REDIC1: variants seen among roughly 807,000 people sequenced by gnomAD.
The protein encoded by REDIC1 is regulator of DNA class I crossover intermediates 1, also known as HEI10 Interacting Protein 1.
the REDIC1 span, among the ~76,000 whole-genome samples, chr12:39,671,555 G>T: frequency 6.6e-6 from 1 of 152,168 alleles, no homozygotes; most frequent in Non-Finnish European, 1.5e-5. Context: ...AGACCAGGTG[G>T]GTGGGTAAGT....
the REDIC1 span, chr12:39,754,316 A>T: frequency 2.0e-5 from 3 of 152,092 alleles, no homozygotes; most frequent in African/African-American, 7.2e-5. Flanking sequence ...TGCACTATTC[A>T]GGTGTCCGTT....
At chr12:39,761,606 C>T in the REDIC1 span, among the ~76,000 whole-genome samples, 3 of 126,222 alleles carry the variant, frequency 2.4e-5, no homozygotes, top group Non-Finnish European at 4.9e-5. Context: ...GATAAGCTAG[C>T]TCTTGGAGAA....
chr12:39,754,236 T>C, the REDIC1 span: 1 of 152,130 alleles, frequency 6.6e-6, no homozygotes, highest in South Asian at 2.1e-4. Context: ...TGGAAAAGGA[T>C]GACAATGTTT....
chr12:39,718,105 A>T, the REDIC1 span, among the ~76,000 whole-genome samples: 1 of 152,038 alleles, frequency 6.6e-6, no homozygotes, highest in Admixed American at 6.6e-5. Flanking sequence ...GATGATGTTC[A>T]TGGCTTTTTC....
chr12:39,781,848 A>G, the REDIC1 span, among the ~76,000 whole-genome samples: 2 of 152,182 alleles, frequency 1.3e-5, no homozygotes, highest in Non-Finnish European at 2.9e-5. Flanking sequence ...GCCCTCACAT[A>G]CCCTGGAGGA....
chr12:39,768,737 C>T, the REDIC1 span, among the ~76,000 whole-genome samples: 9 of 152,104 alleles, frequency 5.9e-5, no homozygotes, highest in Admixed American at 1.3e-4. Flanking sequence ...GATCACTGAT[C>T]ATCATAGCAG....
the REDIC1 span, among the ~76,000 whole-genome samples, chr12:39,713,474 G>GTA: frequency 6.7e-6 from 1 of 149,286 alleles, no homozygotes; most frequent in African/African-American, 2.5e-5. Flanking sequence ...ATATATACAT[G>GTA]TATACATTTA....
the REDIC1 span, among the ~76,000 whole-genome samples, chr12:39,718,314 C>T: frequency 6.6e-6 from 1 of 151,976 alleles, no homozygotes. Flanking sequence ...TATTTTGATG[C>T]CTTCGGTGTT....
At chr12:39,626,457 C>G in the REDIC1 span, 1 of 1,494,598 alleles carries the variant, frequency 6.7e-7, no homozygotes, top group African/African-American at 1.4e-5. Flanking sequence ...CTGGAAAGAA[C>G]TTGGTAGGAA....
chr12:39,896,488 A>C, the REDIC1 span, among the ~76,000 whole-genome samples: 1 of 147,776 alleles, frequency 6.8e-6, no homozygotes, highest in East Asian at 2.0e-4. Flanking sequence ...ATGTGTATAT[A>C]TGTACACATA....
the REDIC1 span, among the ~76,000 whole-genome samples, chr12:39,656,606 C>T: frequency 6.6e-6 from 1 of 152,128 alleles, no homozygotes; most frequent in Admixed American, 6.6e-5. Context: ...AAAACAGGCT[C>T]AGGCAGGGCC....
chr12:39,682,814 A>T, the REDIC1 span: 1 of 1,612,438 alleles, frequency 6.2e-7, no homozygotes, highest in Non-Finnish European at 8.5e-7. Context: ...GAGAATTGTG[A>T]CTCTTTTGTT....
the REDIC1 span, among the ~76,000 whole-genome samples, chr12:39,826,950 G>A: frequency 6.1e-5 from 8 of 131,628 alleles, no homozygotes; most frequent in Admixed American, 9.1e-5. Context: ...AATTGGTGTC[G>A]TTTCTATTAG....
the REDIC1 span, among the ~76,000 whole-genome samples, chr12:39,882,846 C>T: frequency 6.6e-6 from 1 of 152,190 alleles, no homozygotes; most frequent in Non-Finnish European, 1.5e-5. Context: ...TTTAGTAACA[C>T]ACACCACTTT....
chr12:39,823,133 A>T, the REDIC1 span, among the ~76,000 whole-genome samples: 1 of 152,232 alleles, frequency 6.6e-6, no homozygotes, highest in Admixed American at 6.5e-5. Flanking sequence ...TACTAAAGAG[A>T]ATAATCTACC....
the REDIC1 span, among the ~76,000 whole-genome samples, chr12:39,689,106 G>A: frequency 1.3e-5 from 2 of 152,158 alleles, no homozygotes; most frequent in African/African-American, 4.8e-5. Context: ...GAAATGTTCG[G>A]AGAAGTGATG....
At chr12:39,779,903 T>C in the REDIC1 span, among the ~76,000 whole-genome samples, 1 of 152,254 alleles carries the variant, frequency 6.6e-6, no homozygotes, top group Non-Finnish European at 1.5e-5. Context: ...TGCCTGAGAA[T>C]GAATGCAAGC....
chr12:39,713,719 G>C, the REDIC1 span, among the ~76,000 whole-genome samples: 1 of 148,534 alleles, frequency 6.7e-6, no homozygotes, highest in African/African-American at 2.5e-5. Context: ...ATGTATGCCT[G>C]TATACATGCG....
the REDIC1 span, chr12:39,716,757 T>C: frequency 6.3e-7 from 1 of 1,596,192 alleles, no homozygotes. Flanking sequence ...TATTTTCAGC[T>C]CTTGATTCTG....
Sources: allele counts gnomAD v4.1 joint callset (sites outside exome capture counted in the v4.1 genomes callset), GRCh38; gene constraint gnomAD v4.1.1; transcripts MANE v1.5; gene names NCBI Gene and HGNC (gene_info 2026-07-23, HGNC 2026-07-21).